MAP4K5: variants seen among roughly 807,000 people sequenced by gnomAD.
MAP4K5 encodes MAPK/ERK kinase kinase kinase 5.
Under a neutral mutation model 135.6 loss-of-function variants are expected in MAP4K5, and 82 were observed. The ratio of observed to expected loss-of-function variants is 0.60; its 90% CI spans 0.51 to 0.73. MAP4K5 has a LOEUF of 0.73. Ranked by LOEUF, MAP4K5 falls within the 30% of genes least tolerant of loss-of-function variation. The pLI is 0.00. For synonymous variants in MAP4K5, 347 were observed against 335.0 expected (o/e 1.04, Z -0.39); for missense variants, 907 against 1,010.9 (o/e 0.90, Z 1.39).
At chr14:50,553,508 G>A (rs938383769) in intron 1 of MAP4K5, among the ~76,000 whole-genome samples, 2 of 152,138 alleles carry the variant, frequency 1.3e-5, no homozygotes, top group East Asian at 1.9e-4. Context: ...TGGTGGGAAT[G>A]TAAACTAGTA....
At position 50,437,465 on chromosome 14, in the gene MAP4K5, C is replaced by G. The variant is rs755015658; in HGVS notation, c.1882+11G>C. On this transcript the variant is annotated intron_variant, in intron 26 of 32. Coordinates refer to ENST00000682126, the MANE Select transcript of MAP4K5 (RefSeq NM_006575.6). ...TCTAACCATTCAGTTTGAGAAATAC[C>G]ATTTACTCACCTATGCAACATTTGT... is the stretch of plus-strand genomic sequence containing the variant. 8.2e-6 allele frequency: 13 copies of G among 1,583,128 alleles called. No homozygotes were observed.
intron 2 of MAP4K5, among the ~76,000 whole-genome samples, chr14:50,517,991 A>C (rs2038069335): frequency 6.6e-6 from 1 of 152,176 alleles, no homozygotes; most frequent in South Asian, 2.1e-4. Context: ...CTCAGATACA[A>C]GGATAATATT....
At chr14:50,540,973 A>G (rs866331032) in intron 2 of MAP4K5, among the ~76,000 whole-genome samples, 1 of 152,232 alleles carries the variant, frequency 6.6e-6, no homozygotes, top group Non-Finnish European at 1.5e-5. Flanking sequence ...GAGAATGTGG[A>G]TTATTAAAAA....
intron 1 of MAP4K5, among the ~76,000 whole-genome samples, chr14:50,543,146 C>G (rs1046660843): frequency 5.3e-5 from 8 of 152,360 alleles, no homozygotes; most frequent in African/African-American, 1.9e-4. Flanking sequence ...AGTGCTTGCT[C>G]AGTGTGCCTA....
chr14:50,499,774 C>G (rs1356779683), intron 3 of MAP4K5, among the ~76,000 whole-genome samples: 1 of 151,840 alleles, frequency 6.6e-6, no homozygotes, highest in Non-Finnish European at 1.5e-5. Context: ...AAAATCAAAA[C>G]TGCAGATGAA....
chr14:50,549,853 C>T (rs987291030), intron 1 of MAP4K5, among the ~76,000 whole-genome samples: 4 of 152,200 alleles, frequency 2.6e-5, no homozygotes, highest in Non-Finnish European at 5.9e-5. Flanking sequence ...TGAAACCATA[C>T]AAATTTTAAA....
At chr14:50,494,776 A>G (rs1052208395) in intron 3 of MAP4K5, among the ~76,000 whole-genome samples, 1 of 152,186 alleles carries the variant, frequency 6.6e-6, no homozygotes, top group Non-Finnish European at 1.5e-5. Flanking sequence ...ACAAACCCTC[A>G]TGTAGTATAT....
chr14:50,507,318 A>AT (rs2037831720), intron 2 of MAP4K5, among the ~76,000 whole-genome samples: 1 of 152,118 alleles, frequency 6.6e-6, no homozygotes, highest in Admixed American at 6.5e-5. Flanking sequence ...GGATTCACTG[A>AT]TTTTTTGAAG....
chr14:50,524,927 T>C (rs1488628795), intron 2 of MAP4K5, among the ~76,000 whole-genome samples: 1 of 152,220 alleles, frequency 6.6e-6, no homozygotes, highest in African/African-American at 2.4e-5. Context: ...TGGAGGCAGC[T>C]GATGATAGAG....
chr14:50,554,956 TG>T (rs1191868836), intron 1 of MAP4K5, among the ~76,000 whole-genome samples: 1 of 152,210 alleles, frequency 6.6e-6, no homozygotes, highest in African/African-American at 2.4e-5. Flanking sequence ...CAAAGTCTTC[TG>T]GTTATTTTCC....
At chr14:50,480,884 A>G (rs374461408) in intron 6 of MAP4K5, among the ~76,000 whole-genome samples, 1 of 152,178 alleles carries the variant, frequency 6.6e-6, no homozygotes, top group Non-Finnish European at 1.5e-5. Context: ...GTATCTAAAC[A>G]TATCTAAGCA....
At chr14:50,448,974 C>T (rs368265733) in intron 14 of MAP4K5, 142 bp from the exon 15 acceptor site, 19 of 623,876 alleles carry the variant, frequency 3.0e-5, no homozygotes, top group African/African-American at 2.9e-4. Flanking sequence ...TTTTTGACTA[C>T]AAGAGTACCC....
chr14:50,433,678 A>T (rs1225465782), intron 28 of MAP4K5, among the ~76,000 whole-genome samples: 1 of 152,252 alleles, frequency 6.6e-6, no homozygotes. Flanking sequence ...TTCAAAAGGC[A>T]GTAAAGAATA....
chr14:50,510,373 G>A (rs1246641232), intron 2 of MAP4K5, among the ~76,000 whole-genome samples: 3 of 152,050 alleles, frequency 2.0e-5, no homozygotes, highest in South Asian at 2.1e-4. Context: ...ACTCAGACTC[G>A]TCCTTCAGAA....
At chr14:50,540,557 T>A (rs1165873925) in intron 2 of MAP4K5, among the ~76,000 whole-genome samples, 1 of 152,180 alleles carries the variant, frequency 6.6e-6, no homozygotes, top group East Asian at 1.9e-4. Flanking sequence ...AGCTAAGGAA[T>A]GGGTGATTCT....
chr14:50,534,883 G>A (rs7160095), upstream of MAP4K5, among the ~76,000 whole-genome samples: 151,365 of 152,376 alleles, frequency 0.99, 75,194 homozygotes, highest in Middle Eastern at 1. Flanking sequence ...TTACTTAAAT[G>A]TACACTGAGT....
chr14:50,540,586 A>G (rs1228786655), intron 2 of MAP4K5, among the ~76,000 whole-genome samples: 1 of 152,190 alleles, frequency 6.6e-6, no homozygotes, highest in Admixed American at 6.5e-5. Flanking sequence ...CTGGAGGTTA[A>G]TTGATATTAG....
intron 2 of MAP4K5, among the ~76,000 whole-genome samples, chr14:50,531,310 G>A (rs1395130453): frequency 6.6e-6 from 1 of 152,136 alleles, no homozygotes; most frequent in Non-Finnish European, 1.5e-5. Flanking sequence ...TTGGTTATAG[G>A]ATGTTATAAA....
intron 11 of MAP4K5, among the ~76,000 whole-genome samples, chr14:50,465,716 A>G (rs2036816577): frequency 6.6e-6 from 1 of 152,216 alleles, no homozygotes; most frequent in South Asian, 2.1e-4. Context: ...TTCTTTCCTC[A>G]CCACACTTCT....
Sources: allele counts gnomAD v4.1 joint callset (sites outside exome capture counted in the v4.1 genomes callset), GRCh38; gene constraint gnomAD v4.1.1; transcripts MANE v1.5; gene names NCBI Gene and HGNC (gene_info 2026-07-23, HGNC 2026-07-21).